Variants in STARD13 observed in about 807,000 individuals in gnomAD.
STARD13 encodes the protein StAR related lipid transfer domain containing 13.
In STARD13, 62 loss-of-function variants were observed where a neutral mutation model predicts 106.4. That is an observed-to-expected ratio of 0.58 (90% CI 0.48 to 0.72). STARD13 has a LOEUF of 0.72. Ranked by LOEUF, STARD13 falls within the 30% of genes least tolerant of loss-of-function variation. The pLI, the probability that STARD13 is intolerant of heterozygous loss-of-function variation, is 0.00. For synonymous variants in STARD13, 565 were observed against 553.0 expected (o/e 1.02, Z -0.31); for missense variants, 1,387 against 1,424.0 (o/e 0.97, Z 0.42).
chr13:33,403,217 C>G, the STARD13 span, among the ~76,000 whole-genome samples: 1 of 152,206 alleles, frequency 6.6e-6, no homozygotes, highest in Admixed American at 6.5e-5. Flanking sequence ...GATGACCGAA[C>G]AGGCAAGCCA....
rs9596963 is a variant in STARD13 at position 33,211,261 on chromosome 13, T to C, written c.170-43639A>G. Among the ~76,000 whole-genome samples the C allele has an allele frequency of 1.8e-3, 266 of 151,706 alleles. 2 individuals are homozygous for C. Among genetic ancestry groups the C allele is most frequent in the Middle Eastern group, 0.014 (4 of 294 alleles). ...TAAAAATATTATTTAAAATATCTTTTAAAAATATTTTAATGATACCAAATA... is the reference window on the plus strand; with the variant it reads ...TAAAAATATTATTTAAAATATCTTTCAAAAATATTTTAATGATACCAAATA... On this transcript the variant is annotated intron_variant, in intron 1 of 13. Transcript: ENST00000336934.
chr13:33,514,311 A>C, the STARD13 span, among the ~76,000 whole-genome samples: 2 of 152,140 alleles, frequency 1.3e-5, no homozygotes, highest in Admixed American at 1.3e-4. Context: ...GCTTGTGGGA[A>C]GGAGGAGCAG....
the STARD13 span, among the ~76,000 whole-genome samples, chr13:33,633,608 A>C: frequency 6.6e-6 from 1 of 152,250 alleles, no homozygotes; most frequent in East Asian, 1.9e-4. Context: ...TGCACATAAC[A>C]ACTAGGTTAT....
chr13:33,454,130 G>A, the STARD13 span, among the ~76,000 whole-genome samples: 2 of 152,150 alleles, frequency 1.3e-5, no homozygotes, highest in Non-Finnish European at 2.9e-5. Context: ...CTGTCAATCC[G>A]TCATCCTCCT....
chr13:33,445,325 C>T, the STARD13 span, among the ~76,000 whole-genome samples: 2 of 152,104 alleles, frequency 1.3e-5, no homozygotes, highest in East Asian at 3.8e-4. Context: ...TCAGAACTCA[C>T]CTGCTGGTTT....
intron 3 of STARD13, among the ~76,000 whole-genome samples, chr13:33,164,911 A>G (rs995538699): frequency 3.9e-5 from 6 of 152,284 alleles, no homozygotes; most frequent in Middle Eastern, 3.4e-3. Context: ...ACACACTCGT[A>G]GTTTTTCAGA....
At chr13:33,158,560 T>G (rs1177646041) in intron 3 of STARD13, 2 of 152,228 alleles carry the variant, frequency 1.3e-5, no homozygotes, top group African/African-American at 4.8e-5. Flanking sequence ...ACATGAAATG[T>G]AGAGCCCACA....
At chr13:33,113,177 G>C in intron 8 of STARD13, 1 of 512,698 alleles carries the variant, frequency 2.0e-6, no homozygotes, top group South Asian at 2.9e-5. Context: ...CGATGGCCAA[G>C]CAGGGTTTAG....
the STARD13 span, among the ~76,000 whole-genome samples, chr13:33,543,056 C>CT: frequency 6.6e-6 from 1 of 152,204 alleles, no homozygotes; most frequent in Non-Finnish European, 1.5e-5. Context: ...GGAAACTGTT[C>CT]TTTCTCTAGT....
chr13:33,532,275 T>C, the STARD13 span, among the ~76,000 whole-genome samples: 1 of 152,342 alleles, frequency 6.6e-6, no homozygotes, highest in East Asian at 1.9e-4. Flanking sequence ...TTTAGCCTAA[T>C]GTATTGCTAA....
chr13:33,107,034 C>T, intron 12 of STARD13, 100 bp from the exon 13 acceptor site: 1 of 1,176,536 alleles, frequency 8.5e-7, no homozygotes. Context: ...TGCCAACAAC[C>T]TGGGCTCAGA....
At chr13:33,590,911 G>A in the STARD13 span, among the ~76,000 whole-genome samples, 1 of 152,142 alleles carries the variant, frequency 6.6e-6, no homozygotes, top group Non-Finnish European at 1.5e-5. Flanking sequence ...AAGTCGCTTT[G>A]AGAATTTAAA....
At chr13:33,410,597 G>A in the STARD13 span, among the ~76,000 whole-genome samples, 2 of 152,090 alleles carry the variant, frequency 1.3e-5, no homozygotes, top group South Asian at 2.1e-4. Flanking sequence ...GTTGGAGAAG[G>A]GTCTTCTCCT....
At chr13:33,664,922 G>T in the STARD13 span, among the ~76,000 whole-genome samples, 1 of 152,264 alleles carries the variant, frequency 6.6e-6, no homozygotes, top group East Asian at 1.9e-4. Flanking sequence ...CACTACGCCC[G>T]GCCAAAAACT....
chr13:33,513,502 G>C, the STARD13 span, among the ~76,000 whole-genome samples: 1 of 152,116 alleles, frequency 6.6e-6, no homozygotes, highest in Admixed American at 6.6e-5. Context: ...CCTCCTCATA[G>C]TATGAAGGTG....
intron 2 of STARD13, among the ~76,000 whole-genome samples, chr13:33,166,916 C>A (rs1883375334): frequency 6.6e-6 from 1 of 151,666 alleles, no homozygotes; most frequent in Admixed American, 6.6e-5. Flanking sequence ...ATTGCTTGAA[C>A]CCAGGAGGCG....
intron 1 of STARD13, among the ~76,000 whole-genome samples, chr13:33,172,721 T>C (rs1884114438): frequency 6.6e-6 from 1 of 152,216 alleles, no homozygotes; most frequent in African/African-American, 2.4e-5. Context: ...CTGAAAGGTA[T>C]TGGGTATCCT....
chr13:33,393,885 A>G, the STARD13 span, among the ~76,000 whole-genome samples: 1 of 152,238 alleles, frequency 6.6e-6, no homozygotes, highest in Admixed American at 6.5e-5. Context: ...TCATTCAGGC[A>G]TAACTTCTGT....
intron 10 of STARD13, 109 bp from the exon 11 acceptor site, chr13:33,111,016 G>GGGCCACAC: frequency 3.4e-6 from 3 of 893,964 alleles, no homozygotes; most frequent in Non-Finnish European, 5.3e-6. Flanking sequence ...CACGGGCCGA[G>GGGCCACAC]GGCCACACGG....
Sources: allele counts gnomAD v4.1 joint callset (sites outside exome capture counted in the v4.1 genomes callset), GRCh38; gene constraint gnomAD v4.1.1; transcripts MANE v1.5; gene names NCBI Gene and HGNC (gene_info 2026-07-23, HGNC 2026-07-21).